ZFPM1: variants seen among roughly 807,000 people sequenced by gnomAD.
The protein encoded by ZFPM1 is zinc finger protein, FOG family member 1, also known as zinc finger protein ZFPM1.
Under a neutral mutation model 46.3 loss-of-function variants are expected in ZFPM1, and 28 were observed. The observed-to-expected ratio is 0.60, with a 90% CI of 0.45 to 0.83. The LOEUF is 0.83. Ranked by LOEUF, ZFPM1 falls within the 40% of genes least tolerant of loss-of-function variation. ZFPM1 has a pLI of 0.00. For synonymous variants in ZFPM1, 957 were observed against 675.9 expected (o/e 1.42, Z -6.45); for missense variants, 1,878 against 1,432.4 (o/e 1.31, Z -5.02).
At chr16:88,482,363 C>A (rs1908986324) in intron 1 of ZFPM1, among the ~76,000 whole-genome samples, 1 of 152,186 alleles carries the variant, frequency 6.6e-6, no homozygotes. Flanking sequence ...GGGCAGCATC[C>A]ACCTCGACAC....
intron 6 of ZFPM1, among the ~76,000 whole-genome samples, chr16:88,529,817 A>G (rs1410598383): frequency 2.6e-5 from 4 of 152,224 alleles, no homozygotes; most frequent in Non-Finnish European, 5.9e-5. Context: ...AGGCCTGCAC[A>G]GGGGCCAGCT....
At chr16:88,486,716 G>A (rs1567534452) in intron 2 of ZFPM1, among the ~76,000 whole-genome samples, 1 of 149,368 alleles carries the variant, frequency 6.7e-6, no homozygotes, top group Non-Finnish European at 1.5e-5. Flanking sequence ...GGTACTGGGG[G>A]CACAGTGGAT....
chr16:88,502,321 T>C (rs1359813145), intron 3 of ZFPM1, among the ~76,000 whole-genome samples: 2 of 151,578 alleles, frequency 1.3e-5, no homozygotes, highest in Non-Finnish European at 2.9e-5. Flanking sequence ...CTCGTGAGGG[T>C]GCCTCCCACC....
At chr16:88,515,472 G>T (rs1911240147) in intron 4 of ZFPM1, among the ~76,000 whole-genome samples, 1 of 152,260 alleles carries the variant, frequency 6.6e-6, no homozygotes, top group Admixed American at 6.5e-5. Flanking sequence ...GGCGCCTAAA[G>T]CTTCCTTTTA....
chr16:88,534,125 C>A lies in ZFPM1; in HGVS notation c.2167C>A (p.Pro723Thr). The change falls in exon 10 of 10, where the codon CCC (proline) becomes ACC (threonine). Residue 723 changes from proline to threonine, a missense_variant. By Grantham distance (38) the Pro-to-Thr change is conservative (BLOSUM62 -1). Coordinates refer to ENST00000319555, the MANE Select transcript of ZFPM1 (RefSeq NM_153813.3). Reference sequence around the variant, plus strand: ...GCGCCGACCGGCCGCGCCCCCGGGACCCCCTGGGCCGGCCGCGCCCCCGGC... The same window carrying A: ...GCGCCGACCGGCCGCGCCCCCGGGAACCCCTGGGCCGGCCGCGCCCCCGGC... Reference protein sequence around the residue: ...PPRRPAAPPGPPGPAAPPAPS... With the variant: ...PPRRPAAPPGTPGPAAPPAPS... The A allele has an allele frequency of 2.9e-6, 3 of 1,017,656 alleles. No homozygotes were observed. The highest frequency in any genetic ancestry group is 3.5e-6 in the Non-Finnish European group (3 of 849,414). The allele number at this position is 1,017,656 out of a possible 1,614,324, so 63.0% of individuals were successfully genotyped here.
chr16:88,496,325 G>A (rs1909928614), intron 3 of ZFPM1, among the ~76,000 whole-genome samples: 1 of 152,076 alleles, frequency 6.6e-6, no homozygotes, highest in Non-Finnish European at 1.5e-5. Context: ...GCCTGGCCTT[G>A]GAGACAGGCT....
intron 6 of ZFPM1, among the ~76,000 whole-genome samples, chr16:88,531,380 G>A (rs1186505514): frequency 6.6e-6 from 1 of 152,154 alleles, no homozygotes; most frequent in Non-Finnish European, 1.5e-5. Context: ...CAGCCCATTT[G>A]GGGTCAGTGT....
intron 1 of ZFPM1, among the ~76,000 whole-genome samples, chr16:88,481,106 C>T (rs556443367): frequency 8.5e-5 from 13 of 152,368 alleles, no homozygotes; most frequent in African/African-American, 2.6e-4. Context: ...TTTCGGCGTC[C>T]GGCTTAATGA....
rs1162159853 is a variant in ZFPM1 at position 88,536,139 on chromosome 16, A to G, written c.*1160A>G. 1 of 152,010 alleles carries G rather than the reference A, an allele frequency of 6.6e-6. No homozygotes were observed. Among genetic ancestry groups the G allele is most frequent in the Non-Finnish European group, 1.5e-5 (1 of 68,002 alleles). The allele number at this position is 152,010 out of a possible 1,614,324, so 9.4% of individuals were successfully genotyped here. A position where few individuals can be genotyped will look rare whatever the true frequency, so the allele number is the denominator to read the frequency against. The stretch of plus-strand genomic sequence containing the variant: ...CCCAGCTAGTTTTTGTGTTTTTTGT[A>G]GAAATGGTGTCTCCCTATGTTGCCC... On this transcript the variant is annotated 3_prime_UTR_variant, in exon 10 of 10. Transcript: ENST00000319555.
At chr16:88,527,680 G>A (rs1043378816) in intron 5 of ZFPM1, among the ~76,000 whole-genome samples, 2 of 151,974 alleles carry the variant, frequency 1.3e-5, no homozygotes, top group African/African-American at 4.8e-5. Flanking sequence ...TTCCTGGAGA[G>A]CCGGGTCCAC....
At chr16:88,461,076 AAGGTCTGGTGAGGACCAAGGGGCAGG>A (rs1241708972) in intron 1 of ZFPM1, among the ~76,000 whole-genome samples, 106 of 65,998 alleles carry the variant, frequency 1.6e-3, no homozygotes, top group Non-Finnish European at 2.4e-3. Context: ...CCAGGGGCAG[AAGGTCTGGTGAGGACCAAGGGGCAGG>A]AGGCCCTGGT....
chr16:88,457,454 T>C (rs917903390), intron 1 of ZFPM1, among the ~76,000 whole-genome samples: 4 of 152,210 alleles, frequency 2.6e-5, no homozygotes, highest in African/African-American at 7.2e-5. Context: ...GATATGATAG[T>C]GTCTGCCATC....
intron 4 of ZFPM1, among the ~76,000 whole-genome samples, chr16:88,520,938 T>A (rs1486403071): frequency 9.4e-6 from 1 of 106,320 alleles, no homozygotes; most frequent in Admixed American, 1.1e-4. Context: ...GGTGGGTGGA[T>A]GATTAGGTGG....
intron 1 of ZFPM1, among the ~76,000 whole-genome samples, chr16:88,465,087 G>A (rs1012724870): frequency 5.1e-4 from 77 of 152,294 alleles, no homozygotes; most frequent in Non-Finnish European, 1.9e-4. Flanking sequence ...GCCCTTGGCC[G>A]TTTCTCCCAG....
intron 4 of ZFPM1, among the ~76,000 whole-genome samples, chr16:88,519,573 T>TG (rs1911656135): frequency 7.0e-6 from 1 of 143,600 alleles, no homozygotes; most frequent in Admixed American, 6.9e-5. Flanking sequence ...GATGGATGGA[T>TG]GAATGGGAGG....
rs1158723954 is a variant in ZFPM1 at position 88,534,890 on chromosome 16, C to G, written c.2932C>G (p.Leu978Val). The G allele has an allele frequency of 3.8e-6, 6 of 1,568,118 alleles. No individual in the cohort carries two copies. In the East Asian group the frequency reaches 1.5e-4, roughly 40 times the overall value. Residue 978 changes from leucine to valine, a missense_variant, in exon 10 of 10, where the codon CTT becomes GTT. Physicochemically the swap from Leu to Val is conservative, Grantham distance 32. Coordinates refer to ENST00000319555, the MANE Select transcript of ZFPM1 (RefSeq NM_153813.3). ...CAACGGCAACCACCGGTACTGCCGT[C>G]TTTGCAACATCAAGTTCAGCAGCCT... ...LPNGNHRYCRLCNIKFSSLST... is the reference protein window; with the variant it reads ...LPNGNHRYCRVCNIKFSSLST...
At chr16:88,455,587 G>A (rs1393503880) in intron 1 of ZFPM1, among the ~76,000 whole-genome samples, 1 of 142,454 alleles carries the variant, frequency 7.0e-6, no homozygotes, top group Admixed American at 7.0e-5. Flanking sequence ...GCCGGGCCGC[G>A]AGTGCAGAGC....
At chr16:88,514,258 G>C in intron 3 of ZFPM1, 129 bp from the exon 4 acceptor site, 7 of 1,452,440 alleles carry the variant, frequency 4.8e-6, no homozygotes, top group Non-Finnish European at 6.4e-6. Flanking sequence ...GCACCTGCCC[G>C]GCCCCTGCCA....
At chr16:88,474,535 G>A (rs969126759) in intron 1 of ZFPM1, among the ~76,000 whole-genome samples, 3 of 151,980 alleles carry the variant, frequency 2.0e-5, no homozygotes, top group South Asian at 2.1e-4. Flanking sequence ...CCCGCCACCC[G>A]CCTCCTCCCA....
Sources: gnomAD v4.1 joint callset for allele counts (sites outside exome capture counted in the v4.1 genomes callset) on GRCh38, gnomAD v4.1.1 for gene constraint, MANE v1.5 for transcripts, NCBI Gene and HGNC (gene_info 2026-07-23, HGNC 2026-07-21) for gene names.